Variants in CACNA1A observed in about 807,000 individuals in gnomAD.
CACNA1A encodes the protein voltage-dependent P/Q-type calcium channel subunit alpha-1A.
In CACNA1A, 57 loss-of-function variants were observed where a neutral mutation model predicts 262.4. That is an observed-to-expected ratio of 0.22 (90% CI 0.18 to 0.27). The LOEUF (loss-of-function observed/expected upper bound fraction) is 0.27. Ranked by LOEUF, CACNA1A falls within the 10% of genes least tolerant of loss-of-function variation. The pLI, the probability that CACNA1A is intolerant of heterozygous loss-of-function variation, is 1.00. For synonymous variants in CACNA1A, 1,431 were observed against 1,419.3 expected, an observed-to-expected ratio of 1.01 and a Z score of -0.18; for missense variants, 2,526 against 3,562.8, an observed-to-expected ratio of 0.71 and a Z score of 7.41.
rs750324942 is a variant in CACNA1A, at chr19:13,303,828, C to T, written c.2043G>A (p.Gly681=). 3.7e-6 allele frequency: 6 copies of T among 1,613,664 alleles called. No individual in the cohort carries two copies. The East Asian group carries it at 1.3e-4, about 36-fold the overall frequency. ...EVMYDGIKSQ[G]GVQGGMVFSI... is the part of the protein sequence containing the mutation. ...AGAACACCATGCCGCCCTGCACGCC[C>T]CCCTGAGACTTGATCCCGTCGTACA... The change falls in exon 16 of 47, where the codon GGG becomes GGA. Residue 681 remains glycine, a synonymous_variant. Coordinates refer to ENST00000360228, the MANE Select transcript of CACNA1A (RefSeq NM_001127222.2).
At chr19:13,217,987 G>T (rs978967590) in intron 38 of CACNA1A, among the ~76,000 whole-genome samples, 5 of 144,422 alleles carry the variant, frequency 3.5e-5, no homozygotes, top group Non-Finnish European at 7.5e-5. Context: ...TGTTGCCTAG[G>T]CTGGTCTCGA....
chr19:13,419,024 GC>G (rs1268472867), intron 3 of CACNA1A, among the ~76,000 whole-genome samples: 4 of 152,132 alleles, frequency 2.6e-5, no homozygotes, highest in African/African-American at 9.7e-5. Context: ...CTCCCGAATA[GC>G]TGGGATTACA....
intron 3 of CACNA1A, among the ~76,000 whole-genome samples, chr19:13,373,732 C>CT (rs2059361417): frequency 6.6e-6 from 1 of 152,200 alleles, no homozygotes; most frequent in African/African-American, 2.4e-5. Context: ...AAGTTCCCAA[C>CT]TTTTTTTCTC....
chr19:13,209,180 C>T, intron 45 of CACNA1A, 132 bp downstream of exon 45: 1 of 1,317,118 alleles, frequency 7.6e-7, no homozygotes, highest in Middle Eastern at 2.5e-4. Flanking sequence ...GCAGCTGCTG[C>T]CTGGCCCCCT....
intron 3 of CACNA1A, among the ~76,000 whole-genome samples, chr19:13,443,615 G>C (rs970676685): frequency 3.3e-5 from 5 of 152,188 alleles, no homozygotes; most frequent in African/African-American, 1.2e-4. Context: ...CTAAAGTGCT[G>C]AGATTATAGG....
At chr19:13,418,141 C>T (rs928514387) in intron 3 of CACNA1A, among the ~76,000 whole-genome samples, 8 of 152,150 alleles carry the variant, frequency 5.3e-5, no homozygotes, top group Non-Finnish European at 5.9e-5. Flanking sequence ...AGTTACTTAA[C>T]CCCACTCTGT....
At chr19:13,353,652 T>C (rs769040016) in intron 6 of CACNA1A, among the ~76,000 whole-genome samples, 2 of 152,196 alleles carry the variant, frequency 1.3e-5, no homozygotes, top group Non-Finnish European at 1.5e-5. Context: ...GCATCGCTGA[T>C]TAGTTGAGCT....
At chr19:13,250,667 A>G (rs2056371998) in intron 30 of CACNA1A, among the ~76,000 whole-genome samples, 1 of 152,110 alleles carries the variant, frequency 6.6e-6, no homozygotes, top group Non-Finnish European at 1.5e-5. Flanking sequence ...AAGTGTTGGG[A>G]TTACAGGTGT....
intron 3 of CACNA1A, among the ~76,000 whole-genome samples, chr19:13,389,760 G>A (rs1035331582): frequency 6.6e-6 from 1 of 151,974 alleles, no homozygotes; most frequent in Non-Finnish European, 1.5e-5. Context: ...TGGTTGACTT[G>A]CAGACATTCC....
intron 2 of CACNA1A, 89 bp downstream of exon 2, chr19:13,455,016 TGA>T: frequency 2.8e-6 from 2 of 709,520 alleles, no homozygotes; most frequent in South Asian, 3.5e-5. Context: ...GCTCCAGGAC[TGA>T]GAGCCTCCTC....
chr19:13,286,674 GGTT>G lies in CACNA1A; in HGVS notation c.3379_3381del (p.Asn1127del). The G allele has an allele frequency of 6.4e-7, 1 of 1,566,766 alleles. No individual in the cohort carries two copies. Among genetic ancestry groups the G allele is most frequent in the Non-Finnish European group, 8.7e-7 (1 of 1,155,408 alleles). On this transcript the variant is annotated inframe_deletion, in exon 20 of 47. Transcript: ENST00000360228. ...GGGCCGGGATTGGATGGGTTCCCCG[GGTT>G]GTTGGGCGTCCGGCGGCTGGCGGCG...
intron 30 of CACNA1A, among the ~76,000 whole-genome samples, chr19:13,247,318 C>A (rs909569857): frequency 6.6e-6 from 1 of 152,224 alleles, no homozygotes; most frequent in Non-Finnish European, 1.5e-5. Context: ...AGCAATCAGA[C>A]AATGAATGTG....
At chr19:13,302,922 G>A (rs994963568) in intron 17 of CACNA1A, among the ~76,000 whole-genome samples, 5 of 152,178 alleles carry the variant, frequency 3.3e-5, no homozygotes, top group Non-Finnish European at 5.9e-5. Flanking sequence ...CAATGCTGAG[G>A]GAGACCCCAG....
At chr19:13,251,131 C>CAA (rs60032613) in intron 30 of CACNA1A, among the ~76,000 whole-genome samples, 84,097 of 131,040 alleles carry the variant, frequency 0.64, 26,718 homozygotes, top group East Asian at 0.86. Flanking sequence ...GACTGTGTCT[C>CAA]AAAAAAAAAA....
At chr19:13,401,657 C>T (rs1413256360) in intron 3 of CACNA1A, among the ~76,000 whole-genome samples, 4 of 152,106 alleles carry the variant, frequency 2.6e-5, no homozygotes, top group Admixed American at 2.6e-4. Flanking sequence ...TAAGTACCTC[C>T]CACTCCACTT....
chr19:13,480,819 T>C (rs1023658003), intron 1 of CACNA1A, among the ~76,000 whole-genome samples: 4 of 152,232 alleles, frequency 2.6e-5, no homozygotes, highest in Non-Finnish European at 5.9e-5. Flanking sequence ...ATTACTATTA[T>C]AAATAACATG....
chr19:13,414,408 A>G (rs2060186036), intron 3 of CACNA1A, among the ~76,000 whole-genome samples: 1 of 152,156 alleles, frequency 6.6e-6, no homozygotes, highest in Admixed American at 6.6e-5. Flanking sequence ...TCAAAAAAAA[A>G]GCAGGCAGAT....
chr19:13,298,561 C>T lies in CACNA1A; in HGVS notation c.3072G>A (p.Arg1024=). 1.3e-6 allele frequency: 2 copies of T among 1,543,652 alleles called. No homozygotes were observed. The highest frequency in any genetic ancestry group is 1.7e-6 in the Non-Finnish European group (2 of 1,143,092). ...EGDARREDKE[R]RHRRRKENQG... is the part of the protein sequence containing the mutation. ...CCACTTACTTCCTCCTCCGATGCCT[C>T]CGCTCCTTGTCCTCCCTCCGCGCGT... The change falls in exon 19 of 47, where the codon CGG becomes CGA. Residue 1024 remains arginine (R), a synonymous_variant. Transcript: ENST00000360228.
chr19:13,305,173 G>A (rs1215984384), intron 15 of CACNA1A, among the ~76,000 whole-genome samples: 3 of 152,204 alleles, frequency 2.0e-5, no homozygotes, highest in Non-Finnish European at 2.9e-5. Context: ...GTAGGTAACC[G>A]GGGCTTGGTC....
Sources: gnomAD v4.1 joint callset for allele counts (sites outside exome capture counted in the v4.1 genomes callset) on GRCh38, gnomAD v4.1.1 for gene constraint, MANE v1.5 for transcripts, NCBI Gene and HGNC (gene_info 2026-07-23, HGNC 2026-07-21) for gene names.